Variants in CTNNA3 observed in about 807,000 individuals in gnomAD.
CTNNA3 encodes catenin alpha-3.
A neutral mutation model predicts 95.7 loss-of-function variants in CTNNA3; 76 were observed. That is an observed-to-expected ratio of 0.79 (90% CI 0.66 to 0.96). The LOEUF is 0.96. CTNNA3 is among the 40% of genes least tolerant of loss of function. CTNNA3 has a pLI of 0.00. For synonymous variants in CTNNA3, 431 were observed against 374.4 expected (o/e 1.15, Z -1.74); for missense variants, 1,191 against 1,089.8 (o/e 1.09, Z -1.31).
intron 13 of CTNNA3, among the ~76,000 whole-genome samples, chr10:66,200,066 C>T (rs935841171): frequency 4.0e-5 from 6 of 151,020 alleles, no homozygotes; most frequent in African/African-American, 9.8e-5. Flanking sequence ...TTTTAAGTGA[C>T]AAAGAAGCAC....
chr10:67,023,096 T>A (rs1028484048), intron 7 of CTNNA3, among the ~76,000 whole-genome samples: 1 of 152,172 alleles, frequency 6.6e-6, no homozygotes, highest in Non-Finnish European at 1.5e-5. Context: ...TCTAATTCAA[T>A]GCCAATCAAA....
intron 9 of CTNNA3, among the ~76,000 whole-genome samples, chr10:66,685,219 G>A (rs1287470871): frequency 6.8e-5 from 9 of 132,012 alleles, no homozygotes; most frequent in Non-Finnish European, 9.5e-5. Flanking sequence ...ATATATATGT[G>A]TATATATATA....
At chr10:67,553,499 C>T (rs973944064) in intron 3 of CTNNA3, among the ~76,000 whole-genome samples, 4 of 152,042 alleles carry the variant, frequency 2.6e-5, no homozygotes, top group Admixed American at 1.3e-4. Context: ...TAGCCCAAAG[C>T]GTCTCCTATT....
rs560887821 is a variant in CTNNA3 at position 65,975,992 on chromosome 10, A to T, written c.2266-9246T>A. The stretch of plus-strand genomic sequence containing the variant: ...TTTGTCTCTACTAATTGTTTTAATA[A>T]TCACACAACACCCACAGTTTCATGA... On this transcript the variant is annotated intron_variant, in intron 16 of 17. Transcript: ENST00000433211. 9.3e-4 allele frequency among the ~76,000 whole-genome samples: 141 copies of T among 152,236 alleles called. 1 individual carries two copies. Among genetic ancestry groups the T allele is most frequent in the African/African-American group, 3.1e-3 (128 of 41,566 alleles).
intron 17 of CTNNA3, among the ~76,000 whole-genome samples, chr10:65,934,421 G>T (rs1212940448): frequency 6.6e-6 from 1 of 151,794 alleles, no homozygotes; most frequent in Non-Finnish European, 1.5e-5. Context: ...GTGTAGCACT[G>T]GCTTATCTAA....
intron 11 of CTNNA3, among the ~76,000 whole-genome samples, chr10:66,408,082 T>A (rs2093072114): frequency 2.0e-5 from 3 of 152,316 alleles, no homozygotes; most frequent in African/African-American, 7.2e-5. Flanking sequence ...CTTGAAGTCA[T>A]CTCTAAATTA....
At chr10:67,376,983 A>G (rs1843717892) in intron 5 of CTNNA3, among the ~76,000 whole-genome samples, 1 of 152,214 alleles carries the variant, frequency 6.6e-6, no homozygotes, top group African/African-American at 2.4e-5. Flanking sequence ...CCATCCAAGC[A>G]AGTGGTATAA....
chr10:66,493,645 A>G (rs969214981), intron 11 of CTNNA3, among the ~76,000 whole-genome samples: 5 of 131,278 alleles, frequency 3.8e-5, no homozygotes, highest in African/African-American at 1.6e-4. Flanking sequence ...TCTGTCGCTC[A>G]GGCTGGATGG....
chr10:66,206,475 T>A (rs1415117289), intron 13 of CTNNA3, among the ~76,000 whole-genome samples: 1 of 151,728 alleles, frequency 6.6e-6, no homozygotes, highest in Non-Finnish European at 1.5e-5. Flanking sequence ...ATTCATACAC[T>A]TGAGTATTTC....
intron 10 of CTNNA3, among the ~76,000 whole-genome samples, chr10:66,609,577 C>T (rs1421042554): frequency 6.6e-6 from 1 of 151,620 alleles, no homozygotes; most frequent in Non-Finnish European, 1.5e-5. Context: ...GTCAGAATGG[C>T]TATTACTAAA....
chr10:67,581,740 T>A (rs1419868586), intron 3 of CTNNA3, among the ~76,000 whole-genome samples: 1 of 152,194 alleles, frequency 6.6e-6, no homozygotes, highest in Non-Finnish European at 1.5e-5. Flanking sequence ...TTTCAGAGCC[T>A]GTTATTGGTC....
At chr10:66,678,921 T>A (rs2132494836) in intron 9 of CTNNA3, among the ~76,000 whole-genome samples, 1 of 152,248 alleles carries the variant, frequency 6.6e-6, no homozygotes, top group Non-Finnish European at 1.5e-5. Context: ...TGTAAAGTAA[T>A]GTTTAAAGGC....
chr10:67,246,838 A>G (rs1865926441), intron 5 of CTNNA3, among the ~76,000 whole-genome samples: 1 of 152,152 alleles, frequency 6.6e-6, no homozygotes, highest in South Asian at 2.1e-4. Context: ...TTTTACAAGC[A>G]GAATGCGCAA....
chr10:67,337,188 C>T (rs898731804), intron 5 of CTNNA3, among the ~76,000 whole-genome samples: 3 of 152,092 alleles, frequency 2.0e-5, no homozygotes, highest in Non-Finnish European at 2.9e-5. Context: ...AGAGCATTCA[C>T]GATTCATGGG....
chr10:67,251,328 G>A (rs1866101318), intron 5 of CTNNA3, among the ~76,000 whole-genome samples: 1 of 152,156 alleles, frequency 6.6e-6, no homozygotes, highest in African/African-American at 2.4e-5. Context: ...CTGGGGGTTG[G>A]GGGCAGGAGT....
At position 66,962,301 on chromosome 10, in the gene CTNNA3, A is replaced by T. The variant is rs569230267; in HGVS notation, c.1048-186777T>A. 2.6e-5 allele frequency among the ~76,000 whole-genome samples: 4 copies of T among 152,184 alleles called. No homozygotes were observed. The East Asian group carries it at 7.7e-4, about 29-fold the overall frequency. ...TCTCTTTGGCTTATTACAGGAAGAG[A>T]ACTTCCTCATGGTCTCCGTACTTAC... is the stretch of plus-strand genomic sequence containing the variant. On this transcript the variant is annotated intron_variant, in intron 7 of 17. Transcript: ENST00000433211.
At chr10:67,088,265 G>C (rs1213471743) in intron 7 of CTNNA3, among the ~76,000 whole-genome samples, 1 of 151,408 alleles carries the variant, frequency 6.6e-6, no homozygotes, top group Non-Finnish European at 1.5e-5. Context: ...CCCAGAGAAG[G>C]CATTCAGCAA....
chr10:67,727,313 ATATAT>A (rs1172677376), intron 1 of CTNNA3, among the ~76,000 whole-genome samples: 2 of 132,710 alleles, frequency 1.5e-5, no homozygotes, highest in Non-Finnish European at 3.1e-5. Flanking sequence ...ATTATATATG[ATATAT>A]TATATATTTA....
chr10:67,412,529 A>T (rs1284327914), intron 5 of CTNNA3, among the ~76,000 whole-genome samples: 1 of 152,082 alleles, frequency 6.6e-6, no homozygotes, highest in Non-Finnish European at 1.5e-5. Context: ...ACTATACAAG[A>T]TGACCCTACC....
Sources: allele counts gnomAD v4.1 joint callset (sites outside exome capture counted in the v4.1 genomes callset), GRCh38; gene constraint gnomAD v4.1.1; transcripts MANE v1.5; gene names NCBI Gene and HGNC (gene_info 2026-07-23, HGNC 2026-07-21).